Variants in LYPD6 observed in about 807,000 individuals in gnomAD.
LYPD6 encodes ly6/PLAUR domain-containing protein 6.
In LYPD6, 15 loss-of-function variants were observed where a neutral mutation model predicts 22.7. That is an observed-to-expected ratio of 0.66 (90% CI 0.44 to 1.02). The LOEUF is 1.02. LYPD6 is among the 50% of genes least tolerant of loss of function. The probability of loss-of-function intolerance (pLI) is 0.00; values close to 1 mark genes in which losing one functional copy is unlikely to be tolerated. For synonymous variants in LYPD6, 72 were observed against 77.5 expected (o/e 0.93, Z 0.37); for missense variants, 189 against 208.4 (o/e 0.91, Z 0.57).
rs983064579 is a variant in LYPD6, at chr2:149,472,195, T to C, written c.*1345T>C. On this transcript the variant is annotated 3_prime_UTR_variant, in exon 5 of 5. Transcript: ENST00000334166. ...CAAAGTGATCAAATTAGAATACATA[T>C]TTTTCAACAGTGGTAGAGCTTTTAA... 2 of 152,200 alleles carry C rather than the reference T, an allele frequency of 1.3e-5. No individual in the cohort carries two copies. The highest frequency in any genetic ancestry group is 2.9e-5 in the Non-Finnish European group (2 of 68,042). The allele number at this position is 152,200 out of a possible 1,614,324, so 9.4% of individuals were successfully genotyped here.
chr2:149,388,934 G>T (rs779936418), intron 1 of LYPD6, among the ~76,000 whole-genome samples: 4 of 152,084 alleles, frequency 2.6e-5, no homozygotes, highest in Admixed American at 6.5e-5. Flanking sequence ...CTCCTTTCCT[G>T]GATGGACTGA....
chr2:149,442,825 T>C (rs1475322490), intron 2 of LYPD6, among the ~76,000 whole-genome samples: 1 of 152,172 alleles, frequency 6.6e-6, no homozygotes, highest in Non-Finnish European at 1.5e-5. Flanking sequence ...GATTTGTCAT[T>C]AATCAGGGTG....
At position 149,469,046 on chromosome 2, in the gene LYPD6, A is replaced by G. The variant is rs559981880; in HGVS notation, c.348+271A>G. On this transcript the variant is annotated intron_variant, in intron 4 of 4. Transcript: ENST00000334166. ...AACTTTCTTCACTCAGAGGAAAGTA[A>G]TAAAGCTACCAGAAAAAAGAGGAGC... Among the ~76,000 whole-genome samples the G allele has an allele frequency of 5.3e-5, 8 of 152,366 alleles. No homozygotes were observed. The East Asian group carries it at 1.5e-3, about 29-fold the overall frequency.
At chr2:149,417,833 T>C (rs1682997250) in intron 1 of LYPD6, among the ~76,000 whole-genome samples, 1 of 152,218 alleles carries the variant, frequency 6.6e-6, no homozygotes, top group South Asian at 2.1e-4. Context: ...AATATTGTTT[T>C]CATCTGTTTT....
At chr2:149,476,471 C>T (rs1681451284), downstream of LYPD6, among the ~76,000 whole-genome samples, 1 of 152,030 alleles carries the variant, frequency 6.6e-6, no homozygotes, top group African/African-American at 2.4e-5. Flanking sequence ...AACTGGCCTC[C>T]CAAAACCGTG....
At chr2:149,393,038 C>G (rs2105100374) in intron 1 of LYPD6, among the ~76,000 whole-genome samples, 1 of 152,208 alleles carries the variant, frequency 6.6e-6, no homozygotes, top group East Asian at 1.9e-4. Flanking sequence ...AAAGAAAGAC[C>G]AATCTTTGTA....
intron 1 of LYPD6, among the ~76,000 whole-genome samples, chr2:149,412,169 T>A (rs1036705237): frequency 1.3e-5 from 2 of 152,190 alleles, no homozygotes; most frequent in South Asian, 2.1e-4. Context: ...AGGTACTGCC[T>A]AGTAACTTTC....
chr2:149,338,896 T>C (rs1681107476), intron 1 of LYPD6, among the ~76,000 whole-genome samples: 1 of 152,190 alleles, frequency 6.6e-6, no homozygotes, highest in Admixed American at 6.5e-5. Flanking sequence ...GAAAATTTTA[T>C]GTTGTTTTTA....
intron 1 of LYPD6, among the ~76,000 whole-genome samples, chr2:149,350,023 G>A (rs539254186): frequency 1.3e-5 from 2 of 152,170 alleles, no homozygotes; most frequent in Admixed American, 1.3e-4. Flanking sequence ...AATCTAAGGT[G>A]CATGAGTATT....
chr2:149,445,295 T>C (rs758411853), intron 2 of LYPD6, among the ~76,000 whole-genome samples: 2 of 152,256 alleles, frequency 1.3e-5, no homozygotes, highest in Non-Finnish European at 2.9e-5. Flanking sequence ...CTTAACATAA[T>C]TTTTAAAGTC....
intron 3 of LYPD6, among the ~76,000 whole-genome samples, chr2:149,454,879 C>T (rs527270238): frequency 6.6e-6 from 1 of 152,166 alleles, no homozygotes; most frequent in Non-Finnish European, 1.5e-5. Flanking sequence ...ATTTCTCCTG[C>T]GGCTGCCCTG....
rs146124855 is a variant in LYPD6, at chr2:149,402,233, CGT to C, written c.-71-35380_-71-35379del. The stretch of plus-strand genomic sequence containing the variant: ...AATAGTATTCCATGGTGTGTGTTTG[CGT>C]GTGTGTGTGTGTGTGTGTGTGTGTA... On this transcript the variant is annotated intron_variant, in intron 1 of 4. Coordinates refer to ENST00000334166, the MANE Select transcript of LYPD6 (RefSeq NM_194317.5). Among the ~76,000 whole-genome samples the C allele has an allele frequency of 2.2e-3, 318 of 145,074 alleles. 1 individual carries two copies. The highest frequency in any genetic ancestry group is 5.2e-3 in the East Asian group (26 of 4,956).
Position 149,470,660 on chromosome 2 carries a change from CTTTT to C in LYPD6, c.349-19_349-16del. On this transcript the variant is annotated intron_variant, in intron 4 of 4. Coordinates refer to ENST00000334166, the MANE Select transcript of LYPD6 (RefSeq NM_194317.5). ...CCAAGACATGCTGGCTTCTCATTAT[CTTTT>C]TTTCTTCCTTTCTTTCAGGTCTGCA... 6.2e-7 allele frequency: 1 copy of C among 1,601,972 alleles called. No individual in the cohort carries two copies. The highest frequency in any genetic ancestry group is 1.1e-5 in the South Asian group (1 of 90,478).
At chr2:149,401,685 CTTTTATT>C (rs1682559096) in intron 1 of LYPD6, among the ~76,000 whole-genome samples, 1 of 152,090 alleles carries the variant, frequency 6.6e-6, no homozygotes, top group South Asian at 2.1e-4. Flanking sequence ...ATTCCCAGAT[CTTTTATT>C]TTTAGTATTA....
intron 1 of LYPD6, among the ~76,000 whole-genome samples, chr2:149,424,934 T>C (rs1683158945): frequency 6.6e-6 from 1 of 152,164 alleles, no homozygotes; most frequent in South Asian, 2.1e-4. Context: ...TGGGCCCTAG[T>C]TGCCAGTCTG....
intron 1 of LYPD6, among the ~76,000 whole-genome samples, chr2:149,375,314 C>T (rs778004769): frequency 3.9e-5 from 6 of 151,942 alleles, no homozygotes; most frequent in South Asian, 2.1e-4. Context: ...TGGGTCTTGG[C>T]GAGATGAAGT....
chr2:149,448,085 G>A (rs1308578477), intron 2 of LYPD6, among the ~76,000 whole-genome samples: 1 of 152,214 alleles, frequency 6.6e-6, no homozygotes, highest in Non-Finnish European at 1.5e-5. Flanking sequence ...CCTGAGGTCA[G>A]GAGTTCAAGA....
rs148222313 is a variant in LYPD6, at chr2:149,465,315, G to A, written c.218-3330G>A. Among the ~76,000 whole-genome samples the A allele has an allele frequency of 8.9e-3, 1,357 of 152,256 alleles. 15 individuals are homozygous for A. The highest frequency in any genetic ancestry group is 0.031 in the African/African-American group (1,295 of 41,554). On this transcript the variant is annotated intron_variant, in intron 3 of 4. Coordinates refer to ENST00000334166, the MANE Select transcript of LYPD6 (RefSeq NM_194317.5). ...GGGAAAAGGGCATGGAATTTGATGCGTAGGGCACAGTTGTTGCAGGGGAGT... is the reference window on the plus strand; with the variant it reads ...GGGAAAAGGGCATGGAATTTGATGCATAGGGCACAGTTGTTGCAGGGGAGT...
chr2:149,396,883 A>G (rs940064585), intron 1 of LYPD6, among the ~76,000 whole-genome samples: 2 of 152,174 alleles, frequency 1.3e-5, no homozygotes, highest in African/African-American at 4.8e-5. Flanking sequence ...CACTGGTTCC[A>G]GGACACCCTC....
Sources: gnomAD v4.1 joint callset for allele counts (sites outside exome capture counted in the v4.1 genomes callset) on GRCh38, gnomAD v4.1.1 for gene constraint, MANE v1.5 for transcripts, NCBI Gene and HGNC (gene_info 2026-07-23, HGNC 2026-07-21) for gene names.